Variants in DOP1B observed in about 807,000 individuals in gnomAD.
DOP1B encodes the protein DOP1 leucine zipper like protein B.
Under a neutral mutation model 233.5 loss-of-function variants are expected in DOP1B, and 174 were observed. That is an observed-to-expected ratio of 0.75 (90% CI 0.66 to 0.85). The LOEUF is 0.85. DOP1B is among the 40% of genes least tolerant of loss of function. The pLI, the probability that DOP1B is intolerant of heterozygous loss-of-function variation, is 0.00. For missense variants in DOP1B, 2,652 were observed against 2,846.6 expected (o/e 0.93, Z 1.56); for synonymous variants, 1,190 against 1,185.6 (o/e 1.00, Z -0.08).
At chr21:36,235,876 G>T (rs1174555798) in intron 15 of DOP1B, among the ~76,000 whole-genome samples, 1 of 147,792 alleles carries the variant, frequency 6.8e-6, no homozygotes, top group Admixed American at 6.8e-5. Flanking sequence ...GGGGGGGGCG[G>T]TCTACGTAGT....
intron 23 of DOP1B, among the ~76,000 whole-genome samples, chr21:36,256,836 A>T (rs1454508746): frequency 1.3e-5 from 2 of 152,118 alleles, no homozygotes; most frequent in Non-Finnish European, 2.9e-5. Context: ...TACCCCAAAT[A>T]TGCGGGGAGT....
chr21:36,180,885 C>CAAA (rs60982930), intron 2 of DOP1B, among the ~76,000 whole-genome samples: 3 of 134,752 alleles, frequency 2.2e-5, no homozygotes, highest in Non-Finnish European at 3.2e-5. Flanking sequence ...GACTGTGTCT[C>CAAA]AAAAAAAAAA....
In DOP1B at chr21:36,169,677, G is replaced by A. The variant is rs561170102; in HGVS notation, c.138+4806G>A. The stretch of plus-strand genomic sequence containing the variant: ...TTCTTCTGGCGCAGAGGAAGTAGGC[G>A]CGTCTGGGTGTGGGCAGCGAGGCGG... On this transcript the variant is annotated intron_variant, in intron 2 of 36. Transcript: ENST00000691173. 4.0e-5 allele frequency: 36 copies of A among 890,190 alleles called. No individual in the cohort carries two copies. The East Asian group carries it at 5.5e-4, about 14-fold the overall frequency. 55.1% of individuals were successfully genotyped at this position (890,190 alleles called of 1,614,324 possible). A position where few individuals can be genotyped will look rare whatever the true frequency, so the allele number is the denominator to read the frequency against.
intron 1 of DOP1B, among the ~76,000 whole-genome samples, chr21:36,158,553 C>G (rs1340281781): frequency 6.6e-6 from 1 of 152,068 alleles, no homozygotes; most frequent in Non-Finnish European, 1.5e-5. Flanking sequence ...CACCTGTAAT[C>G]CCAGCACTTT....
Position 36,246,808 on chromosome 21 carries a change from C to T in DOP1B, c.4697+131C>T. Reference sequence around the variant, plus strand: ...CAATGAGAAGCCTGTTTAGCATTATCAAGAGGGGTAACAAGCAACTAAATG... The same window carrying T: ...CAATGAGAAGCCTGTTTAGCATTATTAAGAGGGGTAACAAGCAACTAAATG... On this transcript the variant is annotated intron_variant, in intron 19 of 36. Coordinates refer to ENST00000691173, the MANE Select transcript of DOP1B (RefSeq NM_001320714.2). The surrounding 1 kb of genome is among the most constrained non-coding windows in gnomAD (Gnocchi z 5.1). 1.9e-6 allele frequency: 2 copies of T among 1,065,456 alleles called. No individual in the cohort carries two copies. Among genetic ancestry groups the T allele is most frequent in the East Asian group, 5.0e-5 (2 of 39,948 alleles). The allele number at this position is 1,065,456 out of a possible 1,614,324, so 66.0% of individuals were successfully genotyped here.
At chr21:36,235,558 TA>T (rs879859321) in intron 15 of DOP1B, among the ~76,000 whole-genome samples, 198 of 142,328 alleles carry the variant, frequency 1.4e-3, no homozygotes, top group East Asian at 2.0e-3. Flanking sequence ...ATCCCATGTC[TA>T]AAAAAAAAAA....
At chr21:36,176,686 C>T (rs1601384315) in intron 2 of DOP1B, among the ~76,000 whole-genome samples, 1 of 152,126 alleles carries the variant, frequency 6.6e-6, no homozygotes, top group African/African-American at 2.4e-5. Flanking sequence ...ACTGGCTTCA[C>T]GTTAAACTAG....
intron 4 of DOP1B, among the ~76,000 whole-genome samples, chr21:36,204,074 A>G (rs2066401588): frequency 6.6e-6 from 1 of 152,164 alleles, no homozygotes; most frequent in Non-Finnish European, 1.5e-5. Context: ...TCAATGTAGT[A>G]GTAATTTTGC....
chr21:36,288,100 A>C lies in DOP1B; in HGVS notation c.6247A>C (p.Ile2083Leu), dbSNP rs2067510334. Residue 2083 changes from isoleucine (I) to leucine (L), a missense_variant, in exon 33 of 37, where the codon ATA (isoleucine) becomes CTA (leucine). Physicochemically the swap from Ile to Leu is conservative, Grantham distance 5 (BLOSUM62 2). Around this residue, in one of 3 missense-constraint regions of DOP1B, gnomAD observed 2,617 missense variants for 2,794.3 expected, o/e 0.94. Coordinates refer to ENST00000691173, the MANE Select transcript of DOP1B (RefSeq NM_001320714.2). ...FLFFRVLLLR[I>L]SPQHLTSLWP... ...TTTTTTCAGAGTTTTGCTGCTAAGA[A>C]TATCTCCTCAACATTTGACTTCATT... 6 of 1,614,126 alleles carry C rather than the reference A, an allele frequency of 3.7e-6. No individual in the cohort carries two copies. Among genetic ancestry groups the C allele is most frequent in the Non-Finnish European group, 5.1e-6 (6 of 1,180,008 alleles).
intron 2 of DOP1B, among the ~76,000 whole-genome samples, chr21:36,181,314 T>C (rs373629032): frequency 1.1e-4 from 16 of 152,098 alleles, no homozygotes; most frequent in African/African-American, 3.9e-4. Flanking sequence ...TGTCTTGCTC[T>C]GTCAGTCAGG....
At chr21:36,185,642 C>G (rs1291956760) in intron 2 of DOP1B, among the ~76,000 whole-genome samples, 1 of 152,198 alleles carries the variant, frequency 6.6e-6, no homozygotes, top group Non-Finnish European at 1.5e-5. Context: ...GTAACAATGT[C>G]AGGGAAGGCT....
At chr21:36,214,264 C>T (rs2066534966) in intron 8 of DOP1B, 74 bp downstream of exon 8, 1 of 1,391,428 alleles carries the variant, frequency 7.2e-7, no homozygotes, top group African/African-American at 1.4e-5. Context: ...GGGAGGCTTC[C>T]ACATAGGCAG....
intron 18 of DOP1B, among the ~76,000 whole-genome samples, chr21:36,242,048 A>G (rs559099950): frequency 2.7e-4 from 41 of 152,092 alleles, no homozygotes; most frequent in African/African-American, 9.6e-4. Context: ...GTAAACAAAG[A>G]ACCTTCTTAA....
At chr21:36,193,271 C>T (rs1187176374) in intron 2 of DOP1B, among the ~76,000 whole-genome samples, 1 of 152,140 alleles carries the variant, frequency 6.6e-6, no homozygotes, top group East Asian at 1.9e-4. Flanking sequence ...CTTGGAGAAA[C>T]AGGGATTCCA....
chr21:36,287,987 A>G, intron 32 of DOP1B, 27 bp from the exon 33 acceptor site: 1 of 1,605,094 alleles, frequency 6.2e-7, no homozygotes, highest in Non-Finnish European at 8.5e-7. Context: ...ATATTTGTGT[A>G]ACATCTTTAC....
chr21:36,206,474 G>A (rs1001583782), intron 4 of DOP1B, among the ~76,000 whole-genome samples: 1 of 150,988 alleles, frequency 6.6e-6, no homozygotes, highest in Non-Finnish European at 1.5e-5. Flanking sequence ...GGGCTGCAGT[G>A]AGCTGTGTTC....
At chr21:36,284,987 T>G (rs1206848307) in intron 32 of DOP1B, among the ~76,000 whole-genome samples, 1 of 151,760 alleles carries the variant, frequency 6.6e-6, no homozygotes, top group African/African-American at 2.4e-5. Flanking sequence ...TATATTCAAA[T>G]ATGCAATAAA....
rs149024530 is a variant in DOP1B at position 36,263,633 on chromosome 21, G to C, written c.5403G>C (p.Gly1801=). 129 of 1,613,920 alleles carry C rather than the reference G, an allele frequency of 8.0e-5. No homozygotes were observed. The highest frequency in any genetic ancestry group is 1.0e-4 in the Non-Finnish European group (123 of 1,179,988). ...ESVQLNLAPP[G]YFLLLSMLND... ...TACAGTTGAATCTAGCCCCACCTGG[G>C]TATTTTCTGCTTCTCAGGTATCATG... The change falls in exon 25 of 37, where the codon GGG becomes GGC. Residue 1801 remains glycine, a synonymous_variant. Coordinates refer to ENST00000691173, the MANE Select transcript of DOP1B (RefSeq NM_001320714.2).
At chr21:36,192,693 C>CT (rs372913689) in intron 2 of DOP1B, among the ~76,000 whole-genome samples, 26,379 of 141,310 alleles carry the variant, frequency 0.19, 2,428 homozygotes, top group South Asian at 0.22. Flanking sequence ...CACTTTCATT[C>CT]TTTTTTTTTT....
Sources: allele counts gnomAD v4.1 joint callset (sites outside exome capture counted in the v4.1 genomes callset), GRCh38; gene constraint gnomAD v4.1.1; regional missense constraint gnomAD v4.1.1; non-coding constraint Gnocchi (gnomAD v3.1); transcripts MANE v1.5; gene names NCBI Gene and HGNC (gene_info 2026-07-23, HGNC 2026-07-21).